VPS37A: variants seen among roughly 807,000 people sequenced by gnomAD.
VPS37A encodes VPS37A subunit of ESCRT-I, also known as vacuolar protein sorting-associated protein 37A.
VPS37A carries 30 observed loss-of-function variants against 49.8 expected under a neutral mutation model. The observed-to-expected ratio is 0.60, with a 90% CI of 0.45 to 0.82. The LOEUF (loss-of-function observed/expected upper bound fraction) is 0.82, where lower values mean the gene tolerates loss of function less well. Ranked by LOEUF, VPS37A falls within the 40% of genes least tolerant of loss-of-function variation. VPS37A has a pLI of 0.00. For synonymous variants in VPS37A, 195 were observed against 160.6 expected (o/e 1.21, Z -1.62); for missense variants, 593 against 464.4 (o/e 1.28, Z -2.55).
intron 1 of VPS37A, among the ~76,000 whole-genome samples, chr8:17,260,409 C>T (rs1812863613): frequency 1.3e-5 from 2 of 152,118 alleles, no homozygotes; most frequent in African/African-American, 2.4e-5. Context: ...TATTACCTAT[C>T]TCTTAACAGG....
At chr8:17,274,694 A>T (rs775663469) in intron 4 of VPS37A, 39 bp from the exon 5 acceptor site, 2 of 1,531,180 alleles carry the variant, frequency 1.3e-6, no homozygotes, top group East Asian at 4.5e-5. Context: ...TGTTTTATCC[A>T]TAAAATCTAA....
At chr8:17,260,527 C>G (rs866756005) in intron 1 of VPS37A, among the ~76,000 whole-genome samples, 2 of 152,066 alleles carry the variant, frequency 1.3e-5, no homozygotes, top group Non-Finnish European at 2.9e-5. Context: ...CTGGGTTTCT[C>G]TGTGTATTTA....
chr8:17,311,372 T>G, the VPS37A span: 3 of 1,100,106 alleles, frequency 2.7e-6, no homozygotes, highest in Non-Finnish European at 3.9e-6. Context: ...AATCTTGATC[T>G]CTTCCCCTTT....
Position 17,268,301 on chromosome 8 carries a change from G to A in VPS37A, c.244G>A (p.Val82Ile), listed in dbSNP as rs1294888076. 2.5e-6 allele frequency: 4 copies of A among 1,613,128 alleles called. No homozygotes were observed. The African/African-American group carries it at 4.0e-5, about 16-fold the overall frequency. The stretch of plus-strand genomic sequence containing the variant: ...TCCTCAGGAAAAACCAGTGATCAGT[G>A]TTTATCCACCAATACGACATCACTT... ...QFPQEKPVIS[V>I]YPPIRHHLMD... The change falls in exon 3 of 12, where the codon GTT becomes ATT. Residue 82 changes from valine (V) to isoleucine (I), a missense_variant. By Grantham distance (29) the Val-to-Ile change is conservative. Transcript: ENST00000324849.
chr8:17,323,201 C>G, the VPS37A span, among the ~76,000 whole-genome samples: 1 of 151,882 alleles, frequency 6.6e-6, no homozygotes, highest in African/African-American at 2.4e-5. Flanking sequence ...CCTGCCTCAG[C>G]CTCCCACAGT....
chr8:17,311,431 A>AC, the VPS37A span: 1 of 1,573,024 alleles, frequency 6.4e-7, no homozygotes, highest in Non-Finnish European at 8.7e-7. Flanking sequence ...AGAAAACAGC[A>AC]GTTGCCAGTA....
At chr8:17,325,781 C>T in the VPS37A span, among the ~76,000 whole-genome samples, 510 of 152,264 alleles carry the variant, frequency 3.3e-3, 3 homozygotes, top group African/African-American at 0.011. Flanking sequence ...AAACTGTGCT[C>T]TTACTTCATG....
chr8:17,322,016 G>A, the VPS37A span, among the ~76,000 whole-genome samples: 1 of 118,888 alleles, frequency 8.4e-6, no homozygotes, highest in African/African-American at 4.2e-5. Context: ...CAGTGAGGGT[G>A]CAGAAAAAGT....
At chr8:17,322,161 G>A in the VPS37A span, among the ~76,000 whole-genome samples, 1 of 152,024 alleles carries the variant, frequency 6.6e-6, no homozygotes, top group Non-Finnish European at 1.5e-5. Flanking sequence ...TTCCCATTTT[G>A]GAGTCATGAA....
chr8:17,324,121 C>A, the VPS37A span, among the ~76,000 whole-genome samples: 6 of 152,200 alleles, frequency 3.9e-5, 1 homozygote, highest in African/African-American at 1.4e-4. Flanking sequence ...AGTGACATCA[C>A]TAATAAACAA....
chr8:17,257,562 C>G (rs1000654992), intron 1 of VPS37A, among the ~76,000 whole-genome samples: 3 of 152,116 alleles, frequency 2.0e-5, no homozygotes, highest in Admixed American at 2.0e-4. Context: ...GTGCAGCAAA[C>G]CACCATGGCA....
rs1008836002 is a variant in VPS37A, at chr8:17,246,972, C to T, written c.-273C>T. 4.2e-6 allele frequency: 2 copies of T among 477,088 alleles called. No homozygotes were observed. The highest frequency in any genetic ancestry group is 4.1e-5 in the East Asian group (1 of 24,116). The allele number at this position is 477,088 out of a possible 1,614,324, so 29.6% of individuals were successfully genotyped here. A position where few individuals can be genotyped will look rare whatever the true frequency, so the allele number is the denominator to read the frequency against. On this transcript the variant is annotated 5_prime_UTR_variant, in exon 1 of 12. Coordinates refer to ENST00000324849, the MANE Select transcript of VPS37A (RefSeq NM_152415.3). Reference sequence around the variant, plus strand: ...GGTGGTGGAGCGCTGGGCGGCCAGGCTCCCTGGCTGGCCGGTTTGGGCGTC... The same window carrying T: ...GGTGGTGGAGCGCTGGGCGGCCAGGTTCCCTGGCTGGCCGGTTTGGGCGTC...
chr8:17,282,464 G>A lies in VPS37A; in HGVS notation c.970-2009G>A, dbSNP rs567444725. On this transcript the variant is annotated intron_variant, in intron 9 of 11. Coordinates refer to ENST00000324849, the MANE Select transcript of VPS37A (RefSeq NM_152415.3). ...TTTCTTAGCATAATAAAACAGATAT[G>A]AGCATAAAGGAAAAACTCGACATAT... is the stretch of plus-strand genomic sequence containing the variant. Among the ~76,000 whole-genome samples the A allele has an allele frequency of 2.4e-4, 36 of 151,970 alleles. 1 individual carries two copies. The highest frequency in any genetic ancestry group is 8.4e-4 in the African/African-American group (35 of 41,458).
intron 4 of VPS37A, 127 bp from the exon 5 acceptor site, chr8:17,274,606 T>C: frequency 1.7e-6 from 1 of 596,992 alleles, no homozygotes; most frequent in East Asian, 2.9e-5. Flanking sequence ...ATTTAATAAA[T>C]ATCACCTGCC....
rs940402626 is a variant in VPS37A, at chr8:17,288,062, T to G, written c.*1635T>G. ...TTATGTGTTACTTTCCAAATCATAC[T>G]ATAAATTCCTTAAGGGTAGGGGCTG... is the stretch of plus-strand genomic sequence containing the variant. On this transcript the variant is annotated intron_variant, in intron 11 of 11. Transcript: ENST00000324849. 3.9e-5 allele frequency among the ~76,000 whole-genome samples: 6 copies of G among 152,316 alleles called. No homozygotes were observed. In the South Asian group the frequency reaches 6.2e-4, roughly 16 times the overall value.
At chr8:17,311,500 G>A in the VPS37A span, 1 of 1,613,980 alleles carries the variant, frequency 6.2e-7, no homozygotes, top group East Asian at 2.2e-5. Context: ...TCGCCCAGTG[G>A]CCACACTCAC....
intron 10 of VPS37A, among the ~76,000 whole-genome samples, chr8:17,285,058 A>ATTT (rs34202191): frequency 0.033 from 5,023 of 151,214 alleles, 299 homozygotes; most frequent in African/African-American, 0.11. Context: ...AAAAAAAAAA[A>ATTT]TTTTTTTTTT....
the VPS37A span, among the ~76,000 whole-genome samples, chr8:17,333,351 C>G: frequency 6.6e-6 from 1 of 152,092 alleles, no homozygotes; most frequent in South Asian, 2.1e-4. Flanking sequence ...ATTGTTCTTC[C>G]AAAACTAATA....
downstream of VPS37A, chr8:17,305,978 G>C: frequency 6.4e-7 from 1 of 1,573,384 alleles, no homozygotes. Context: ...AAGCATTAGA[G>C]ACTTTTTAAG....
Sources: allele counts gnomAD v4.1 joint callset (sites outside exome capture counted in the v4.1 genomes callset), GRCh38; gene constraint gnomAD v4.1.1; transcripts MANE v1.5; gene names NCBI Gene and HGNC (gene_info 2026-07-23, HGNC 2026-07-21).